Variants in DTNB observed in about 807,000 individuals in gnomAD.
DTNB encodes dystrobrevin beta.
In DTNB, 63 loss-of-function variants were observed where a neutral mutation model predicts 90.7. The observed-to-expected ratio is 0.69, with a 90% CI of 0.57 to 0.86. The LOEUF is 0.86. Ranked by LOEUF, DTNB falls within the 40% of genes least tolerant of loss-of-function variation. DTNB has a pLI of 0.00. For synonymous variants in DTNB, 277 were observed against 286.7 expected, an observed-to-expected ratio of 0.97 and a Z score of 0.34; for missense variants, 744 against 807.1, an observed-to-expected ratio of 0.92 and a Z score of 0.95.
At chr2:25,576,711 G>A (rs1306179284) in intron 8 of DTNB, 127 bp downstream of exon 8, 2 of 1,172,366 alleles carry the variant, frequency 1.7e-6, no homozygotes, top group African/African-American at 1.6e-5. Context: ...TGGCATAAAT[G>A]TTAGTGTTAA....
intron 16 of DTNB, among the ~76,000 whole-genome samples, chr2:25,403,256 C>T (rs370327324): frequency 8.5e-5 from 13 of 152,284 alleles, no homozygotes; most frequent in South Asian, 6.2e-4. Flanking sequence ...GCTGGGATTA[C>T]GGGCGCCCGC....
At chr2:25,469,739 G>A (rs1323908816) in intron 10 of DTNB, among the ~76,000 whole-genome samples, 1 of 152,136 alleles carries the variant, frequency 6.6e-6, no homozygotes, top group Non-Finnish European at 1.5e-5. Flanking sequence ...ACTGCGCCCA[G>A]TCCCAAGCCA....
intron 4 of DTNB, among the ~76,000 whole-genome samples, chr2:25,627,920 T>C (rs1171587957): frequency 6.6e-6 from 1 of 152,058 alleles, no homozygotes; most frequent in African/African-American, 2.4e-5. Flanking sequence ...GTATTTTTAG[T>C]AGAGACGGGG....
chr2:25,630,980 T>C (rs1223101424), intron 3 of DTNB, among the ~76,000 whole-genome samples: 1 of 151,920 alleles, frequency 6.6e-6, no homozygotes, highest in Non-Finnish European at 1.5e-5. Flanking sequence ...TAAGGTTCTA[T>C]ATATATGAAA....
intron 9 of DTNB, among the ~76,000 whole-genome samples, chr2:25,494,882 T>C (rs1483881845): frequency 1.3e-5 from 2 of 149,550 alleles, no homozygotes; most frequent in African/African-American, 4.9e-5. Context: ...GGGGAACAGA[T>C]CTCTAAGGAG....
intron 2 of DTNB, among the ~76,000 whole-genome samples, chr2:25,641,579 A>ACTCCGCAACTACTCCTTGCAAAT (rs2078312377): frequency 6.6e-6 from 1 of 151,382 alleles, no homozygotes; most frequent in African/African-American, 2.4e-5. Context: ...TCCTTGCAAA[A>ACTCCGCAACTACTCCTTGCAAAT]CTCCACAACT....
At chr2:25,621,505 G>A (rs2072628521) in intron 4 of DTNB, among the ~76,000 whole-genome samples, 1 of 147,056 alleles carries the variant, frequency 6.8e-6, no homozygotes, top group African/African-American at 2.5e-5. Flanking sequence ...GAAGTGCAGT[G>A]GTGTGATCTC....
At chr2:25,499,642 CTCT>C (rs2069973549) in intron 9 of DTNB, among the ~76,000 whole-genome samples, 1 of 152,048 alleles carries the variant, frequency 6.6e-6, no homozygotes, top group Non-Finnish European at 1.5e-5. Context: ...TCATAGTATC[CTCT>C]TCTTTTTAAA....
At chr2:25,580,668 A>C (rs1016033474) in intron 7 of DTNB, 53 bp downstream of exon 7, 1 of 1,462,672 alleles carries the variant, frequency 6.8e-7, no homozygotes, top group Non-Finnish European at 9.6e-7. Context: ...GCAAATAATC[A>C]GTTCCTATAC....
chr2:25,441,700 A>C (rs2057435537), intron 12 of DTNB, among the ~76,000 whole-genome samples: 1 of 152,230 alleles, frequency 6.6e-6, no homozygotes. Flanking sequence ...CAAAACACTT[A>C]ACAGGGTCTT....
rs936169054 is a variant in DTNB at position 25,468,879 on chromosome 2, A to G, written c.1080-13385T>C. ...ACAAATATAAGCTATAAATGCATCA[A>G]GTTCAATGTAGTCACAGTTGGAATT... On this transcript the variant is annotated intron_variant, in intron 10 of 20. Coordinates refer to ENST00000406818, the MANE Select transcript of DTNB (RefSeq NM_021907.5). Among the ~76,000 whole-genome samples, 3 of 152,228 alleles carry G rather than the reference A, an allele frequency of 2.0e-5. No homozygotes were observed. In the East Asian group the frequency reaches 5.8e-4, roughly 29 times the overall value.
intron 8 of DTNB, among the ~76,000 whole-genome samples, chr2:25,545,801 T>C (rs2082294239): frequency 6.6e-6 from 1 of 152,160 alleles, no homozygotes. Context: ...TCTGTATTTT[T>C]AGTAGAGATG....
Position 25,490,517 on chromosome 2 carries a change from A to C in DTNB, c.1002-7644T>G, listed in dbSNP as rs77662879. Among the ~76,000 whole-genome samples, 1,190 of 152,334 alleles carry C rather than the reference A, an allele frequency of 7.8e-3. 23 individuals carry two copies. The highest frequency in any genetic ancestry group is 0.027 in the African/African-American group (1,140 of 41,588). On this transcript the variant is annotated intron_variant, in intron 9 of 20. Transcript: ENST00000406818. Reference sequence around the variant, plus strand: ...TAGTTCTCCTTCTAGGAATCAATTCAAAAGACTAATTAGAAATGCACAAAG... The same window carrying C: ...TAGTTCTCCTTCTAGGAATCAATTCCAAAGACTAATTAGAAATGCACAAAG...
chr2:25,520,525 TAAAC>T (rs758171239), intron 9 of DTNB, among the ~76,000 whole-genome samples: 2 of 152,352 alleles, frequency 1.3e-5, no homozygotes, highest in East Asian at 1.9e-4. Context: ...TTAAACAACA[TAAAC>T]AAGAAGTTAG....
At chr2:25,650,171 G>T in intron 2 of DTNB, 1 of 985,442 alleles carries the variant, frequency 1.0e-6, no homozygotes, top group Non-Finnish European at 1.2e-6. Flanking sequence ...GCCTGCATGC[G>T]TATTACTTAA....
In DTNB at chr2:25,607,132, A is replaced by AT. The variant is rs1260382702; in HGVS notation, c.448+103dup. ...CTGCTGCAGCGTGAGTGACATGGTA[A>AT]TTTTTTTAAAAGCTCAATATAACAT... On this transcript the variant is annotated intron_variant, in intron 5 of 20. Coordinates refer to ENST00000406818, the MANE Select transcript of DTNB (RefSeq NM_021907.5). 5 of 1,275,824 alleles carry AT rather than the reference A, an allele frequency of 3.9e-6. No homozygotes were observed. The East Asian group carries it at 1.0e-4, about 26-fold the overall frequency. The allele number at this position is 1,275,824 out of a possible 1,614,324, so 79.0% of individuals were successfully genotyped here. A position where few individuals can be genotyped will look rare whatever the true frequency, so the allele number is the denominator to read the frequency against.
At chr2:25,655,383 T>C (rs2081874430) in intron 1 of DTNB, among the ~76,000 whole-genome samples, 1 of 152,182 alleles carries the variant, frequency 6.6e-6, no homozygotes, top group Non-Finnish European at 1.5e-5. Flanking sequence ...CAACCAGGCA[T>C]TGTCAGAATA....
At chr2:25,628,074 TTAGCAAGGCAACTTAGCAC>T (rs2074771108) in intron 4 of DTNB, 78 bp downstream of exon 4, 6 of 1,316,926 alleles carry the variant, frequency 4.6e-6, no homozygotes, top group Middle Eastern at 2.3e-4. Context: ...AGTTGCCAGC[TTAGCAAGGCAACTTAGCAC>T]GGCAGTATGG....
chr2:25,433,823 G>A (rs2054761209), intron 13 of DTNB, 87 bp downstream of exon 13: 12 of 1,509,976 alleles, frequency 7.9e-6, no homozygotes, highest in Non-Finnish European at 1.0e-5. Flanking sequence ...GCGGTCAAAA[G>A]CCACCTAGTA....
Sources: gnomAD v4.1 joint callset for allele counts (sites outside exome capture counted in the v4.1 genomes callset) on GRCh38, gnomAD v4.1.1 for gene constraint, MANE v1.5 for transcripts, NCBI Gene and HGNC (gene_info 2026-07-23, HGNC 2026-07-21) for gene names.